USP43: variants seen among roughly 807,000 people sequenced by gnomAD.
USP43 encodes the protein ubiquitin specific peptidase 43, also known as ubiquitin carboxyl-terminal hydrolase 43.
Under a neutral mutation model 90.7 loss-of-function variants are expected in USP43, and 33 were observed. That is an observed-to-expected ratio of 0.36 (90% CI 0.28 to 0.49). USP43 has a LOEUF of 0.49. USP43 is among the 20% of genes least tolerant of loss of function. The pLI is 0.98. For synonymous variants in USP43, 598 were observed against 615.8 expected (o/e 0.97, Z 0.43); for missense variants, 1,274 against 1,476.4 (o/e 0.86, Z 2.25).
At chr17:9,685,136 A>G (rs962740403) in intron 7 of USP43, among the ~76,000 whole-genome samples, 2 of 152,218 alleles carry the variant, frequency 1.3e-5, no homozygotes, top group African/African-American at 4.8e-5. Flanking sequence ...ACAACAATGG[A>G]CGCACAGTGC....
chr17:9,710,246 G>A, intron 13 of USP43, 132 bp downstream of exon 13: 3 of 1,028,786 alleles, frequency 2.9e-6, no homozygotes, highest in Non-Finnish European at 3.8e-6. Context: ...GGATGCTGCT[G>A]TAGAAACCTG....
At position 9,709,894 on chromosome 17, in the gene USP43, G is replaced by C; in HGVS notation, c.2012-62G>C. On this transcript the variant is annotated intron_variant, in intron 12 of 14. Coordinates refer to ENST00000285199, the MANE Select transcript of USP43 (RefSeq NM_153210.5). The surrounding 1 kb of genome is among the most constrained non-coding windows in gnomAD (Gnocchi z 5.0). ...TACCGCTTTTTCAGCTATGCCAGTG[G>C]GAAATGTCTTCCTACCTTTTGGGGC... The C allele has an allele frequency of 7.4e-7, 1 of 1,356,332 alleles. No homozygotes were observed. The highest frequency in any genetic ancestry group is 9.6e-7 in the Non-Finnish European group (1 of 1,044,990). 84.0% of individuals were successfully genotyped at this position (1,356,332 alleles called of 1,614,324 possible).
chr17:9,680,479 A>G (rs1914092793), intron 6 of USP43, 113 bp downstream of exon 6: 1 of 1,243,760 alleles, frequency 8.0e-7, no homozygotes, highest in Non-Finnish European at 1.1e-6. Context: ...TGGAACAGTC[A>G]GACTTATTAT....
intron 1 of USP43, among the ~76,000 whole-genome samples, chr17:9,649,963 A>T (rs746034694): frequency 6.6e-6 from 1 of 152,172 alleles, no homozygotes; most frequent in Non-Finnish European, 1.5e-5. Context: ...AATTTTAGCC[A>T]TCTGGAATTT....
At position 9,686,949 on chromosome 17, in the gene USP43, G is replaced by A; in HGVS notation, c.1353+40G>A. On this transcript the variant is annotated intron_variant, in intron 8 of 14. Coordinates refer to ENST00000285199, the MANE Select transcript of USP43 (RefSeq NM_153210.5). This position sits in a 1 kb window ranked among gnomAD's most constrained non-coding sequence, Gnocchi z 5.5. ...TGCGTGTGTGTGTGTGTGCGTGCAT[G>A]CGCATGTGCATGCGTGTGTGTGGGT... is the stretch of plus-strand genomic sequence containing the variant. The A allele has an allele frequency of 6.4e-7, 1 of 1,566,270 alleles. No individual in the cohort carries two copies. Among genetic ancestry groups the A allele is most frequent in the Non-Finnish European group, 8.7e-7 (1 of 1,142,876 alleles).
chr17:9,645,449 C>G (rs1272872366), upstream of USP43: 1 of 437,394 alleles, frequency 2.3e-6, no homozygotes. This position sits in a 1 kb window ranked among gnomAD's most constrained non-coding sequence, Gnocchi z 6.8. Context: ...GGGGGCTGGT[C>G]GTGCCGCCGG....
At chr17:9,666,425 T>C (rs1355141018) in intron 2 of USP43, among the ~76,000 whole-genome samples, 1 of 152,122 alleles carries the variant, frequency 6.6e-6, no homozygotes, top group Non-Finnish European at 1.5e-5. Context: ...GGCTCAGGTT[T>C]GCTCTTTTAA....
chr17:9,725,352 C>G (rs1182653417), intron 14 of USP43, among the ~76,000 whole-genome samples: 2 of 152,054 alleles, frequency 1.3e-5, no homozygotes, highest in South Asian at 2.1e-4. Flanking sequence ...GAGTTAGTGC[C>G]CAGGGGTCTC....
At chr17:9,681,037 CATATAAT>C (rs1309737287) in intron 6 of USP43, among the ~76,000 whole-genome samples, 3 of 127,224 alleles carry the variant, frequency 2.4e-5, no homozygotes, top group Non-Finnish European at 4.8e-5. Context: ...TTATCTATTA[CATATAAT>C]ATATAATATA....
At chr17:9,660,611 G>A (rs1210987476) in intron 2 of USP43, among the ~76,000 whole-genome samples, 1 of 151,960 alleles carries the variant, frequency 6.6e-6, no homozygotes, top group Non-Finnish European at 1.5e-5. Flanking sequence ...GATTCCAATA[G>A]CACGTAGAAC....
rs769261477 is a variant in USP43, at chr17:9,728,065, G to A, written c.2447G>A (p.Arg816Gln). 2.9e-5 allele frequency: 46 copies of A among 1,613,774 alleles called. No individual in the cohort carries two copies. Among genetic ancestry groups the A allele is most frequent in the Non-Finnish European group, 3.3e-5 (39 of 1,179,888 alleles). ...KQGPFKTMPL[R>Q]WSFGSKEKPP... ...GGACCATTCAAGACCATGCCTCTGC[G>A]GTGGTCCTTTGGATCCAAGGAGAAA... Residue 816 changes from arginine (R) to glutamine (Q), a missense_variant, in exon 15 of 15, where the codon CGG (arginine) becomes CAG (glutamine). By Grantham distance (43) the Arg-to-Gln change is conservative. Coordinates refer to ENST00000285199, the MANE Select transcript of USP43 (RefSeq NM_153210.5). This position sits in a 1 kb window ranked among gnomAD's most constrained non-coding sequence, Gnocchi z 6.2.
intron 12 of USP43, among the ~76,000 whole-genome samples, chr17:9,704,475 C>T (rs1915761366): frequency 6.6e-6 from 1 of 151,670 alleles, no homozygotes; most frequent in Non-Finnish European, 1.5e-5. Flanking sequence ...GCCACCACGC[C>T]TGGCTAATTT....
chr17:9,668,757 A>T (rs1685838299), intron 3 of USP43, among the ~76,000 whole-genome samples: 1 of 152,224 alleles, frequency 6.6e-6, no homozygotes, highest in Admixed American at 6.5e-5. Flanking sequence ...TCCAGGAGGT[A>T]TGCAGAGAGG....
chr17:9,663,780 C>T (rs957029345), intron 2 of USP43, among the ~76,000 whole-genome samples: 10 of 151,864 alleles, frequency 6.6e-5, no homozygotes, highest in East Asian at 3.9e-4. Flanking sequence ...CCTGCCATCA[C>T]GCCTGGCTAA....
chr17:9,702,208 G>GA (rs370111552), intron 12 of USP43, among the ~76,000 whole-genome samples: 134 of 146,192 alleles, frequency 9.2e-4, no homozygotes, highest in Middle Eastern at 3.5e-3. Flanking sequence ...CAAAAAAAAT[G>GA]AAAAAAAAAA....
At chr17:9,713,578 G>C (rs1295687210) in intron 14 of USP43, among the ~76,000 whole-genome samples, 1 of 152,184 alleles carries the variant, frequency 6.6e-6, no homozygotes, top group Non-Finnish European at 1.5e-5. Context: ...ATCACAGGGG[G>C]CAAGAGTGGG....
At chr17:9,680,500 C>T (rs184911380) in intron 6 of USP43, 134 bp downstream of exon 6, 7 of 1,036,364 alleles carry the variant, frequency 6.8e-6, no homozygotes, top group Admixed American at 2.4e-5. Flanking sequence ...CCCTGGCATT[C>T]GTTGTGTGCA....
Position 9,649,545 on chromosome 17 carries a change from C to T in USP43, c.504+3409C>T, listed in dbSNP as rs150866876. On this transcript the variant is annotated intron_variant, in intron 1 of 14. Transcript: ENST00000285199. ...TCCCCTGCCTCCCTCCTTCCTTCTG[C>T]GGTTCTCAGTGTCTATTGTTCCCTT... Among the ~76,000 whole-genome samples the T allele has an allele frequency of 3.1e-3, 476 of 151,948 alleles. 1 individual carries two copies. Among genetic ancestry groups the T allele is most frequent in the South Asian group, 7.7e-3 (37 of 4,792 alleles).
At chr17:9,703,846 A>G (rs1433365625) in intron 12 of USP43, among the ~76,000 whole-genome samples, 2 of 152,140 alleles carry the variant, frequency 1.3e-5, no homozygotes, top group Non-Finnish European at 2.9e-5. Context: ...CCTGATATGA[A>G]CAAGTCCCCA....
Sources: gnomAD v4.1 joint callset for allele counts (sites outside exome capture counted in the v4.1 genomes callset) on GRCh38, gnomAD v4.1.1 for gene constraint, Gnocchi (gnomAD v3.1) non-coding constraint, MANE v1.5 for transcripts, NCBI Gene and HGNC (gene_info 2026-07-23, HGNC 2026-07-21) for gene names.